Variants in DLG2 observed in about 807,000 individuals in gnomAD.
DLG2 encodes discs large MAGUK scaffold protein 2.
DLG2 carries 45 observed loss-of-function variants against 132.5 expected under a neutral mutation model. The ratio of observed to expected loss-of-function variants is 0.34; its 90% CI spans 0.27 to 0.44. The LOEUF (loss-of-function observed/expected upper bound fraction) is 0.44, where lower values mean the gene tolerates loss of function less well. Among genes scored for constraint, DLG2 ranks in the 20% least tolerant of loss-of-function variants. The pLI is 1.00. For missense variants in DLG2, 1,045 were observed against 1,196.9 expected (o/e 0.87, Z 1.87); for synonymous variants, 424 against 419.6 (o/e 1.01, Z -0.13).
chr11:83,486,031 A>G, intron 21 of DLG2: 1 of 425,090 alleles, frequency 2.4e-6, no homozygotes, highest in Non-Finnish European at 4.2e-6. Context: ...CAGAGGGAAA[A>G]GAGGTATCAC....
intron 6 of DLG2, among the ~76,000 whole-genome samples, chr11:85,094,133 C>T (rs924403452): frequency 7.2e-5 from 11 of 152,182 alleles, no homozygotes; most frequent in Admixed American, 2.6e-4. Flanking sequence ...GCTTTCAGAA[C>T]TGGGACTTTC....
chr11:84,122,154 C>A (rs1034740960), intron 9 of DLG2, among the ~76,000 whole-genome samples: 22 of 151,802 alleles, frequency 1.4e-4, no homozygotes, highest in Non-Finnish European at 2.8e-4. Context: ...AACCCCATCT[C>A]TACTGAAAAT....
chr11:84,961,488 T>G (rs1046887281), intron 6 of DLG2, among the ~76,000 whole-genome samples: 1 of 151,736 alleles, frequency 6.6e-6, no homozygotes, highest in African/African-American at 2.4e-5. Flanking sequence ...GCTTAGCTAT[T>G]GTCCCTACCT....
intron 7 of DLG2, among the ~76,000 whole-genome samples, chr11:84,388,673 C>T (rs2098780945): frequency 6.6e-6 from 1 of 150,894 alleles, no homozygotes. Flanking sequence ...TGGGAGAAAA[C>T]CTCAAAAGAG....
intron 12 of DLG2, among the ~76,000 whole-genome samples, chr11:83,967,288 T>G (rs2090424633): frequency 6.6e-6 from 1 of 152,090 alleles, no homozygotes; most frequent in African/African-American, 2.4e-5. Flanking sequence ...AAATCTATTT[T>G]TAATTTATTT....
chr11:85,085,646 T>C (rs2067824308), intron 6 of DLG2, among the ~76,000 whole-genome samples: 2 of 152,156 alleles, frequency 1.3e-5, no homozygotes, highest in Admixed American at 6.5e-5. Context: ...ACTTATCCTG[T>C]ACCAGGACCT....
At chr11:84,886,632 C>T (rs2088370371) in intron 6 of DLG2, among the ~76,000 whole-genome samples, 3 of 152,060 alleles carry the variant, frequency 2.0e-5, no homozygotes, top group Admixed American at 6.6e-5. Flanking sequence ...TTAGAAGGTG[C>T]AAAACCATTT....
At chr11:84,639,348 G>GTT (rs550030032) in intron 6 of DLG2, among the ~76,000 whole-genome samples, 73 of 126,796 alleles carry the variant, frequency 5.8e-4, no homozygotes, top group East Asian at 5.1e-3. Context: ...AGATATCTGT[G>GTT]TTTTTTTTTT....
intron 3 of DLG2, among the ~76,000 whole-genome samples, chr11:85,482,914 C>T (rs2093333069): frequency 6.6e-6 from 1 of 151,982 alleles, no homozygotes; most frequent in Non-Finnish European, 1.5e-5. Flanking sequence ...CCTTTGTGGA[C>T]CCAGGAAATA....
chr11:84,966,634 G>C (rs901696137), intron 6 of DLG2, among the ~76,000 whole-genome samples: 6 of 152,178 alleles, frequency 3.9e-5, no homozygotes, highest in Non-Finnish European at 7.4e-5. Flanking sequence ...TTTTTAGAAA[G>C]GCAACTTTGG....
At chr11:84,531,324 G>T (rs760716078) in intron 7 of DLG2, among the ~76,000 whole-genome samples, 9 of 152,058 alleles carry the variant, frequency 5.9e-5, no homozygotes, top group East Asian at 1.9e-4. Context: ...AGACCTACTT[G>T]AAAATGATGG....
intron 7 of DLG2, among the ~76,000 whole-genome samples, chr11:84,475,979 C>T (rs2099120656): frequency 6.6e-6 from 1 of 152,092 alleles, no homozygotes; most frequent in Non-Finnish European, 1.5e-5. Flanking sequence ...TACACTGATG[C>T]TCCCCAGGCC....
chr11:84,859,403 T>C (rs57643378), intron 6 of DLG2, among the ~76,000 whole-genome samples: 6,004 of 145,224 alleles, frequency 0.041, 190 homozygotes, highest in African/African-American at 0.08. Context: ...TATATGTATA[T>C]ATACATATAT....
intron 18 of DLG2, among the ~76,000 whole-genome samples, chr11:83,730,831 G>T (rs758366530): frequency 6.6e-6 from 1 of 152,136 alleles, no homozygotes; most frequent in African/African-American, 2.4e-5. Flanking sequence ...TGCCCTGGTT[G>T]TCGCCCATGT....
At chr11:85,058,906 G>C (rs2154158052) in intron 6 of DLG2, among the ~76,000 whole-genome samples, 2 of 151,288 alleles carry the variant, frequency 1.3e-5, no homozygotes, top group East Asian at 1.9e-4. Context: ...AATTCTAAGA[G>C]AGAACATAAA....
At chr11:84,777,850 T>C (rs938194990) in intron 6 of DLG2, among the ~76,000 whole-genome samples, 1 of 152,168 alleles carries the variant, frequency 6.6e-6, no homozygotes, top group African/African-American at 2.4e-5. Context: ...ATTCTGAATA[T>C]TAGTTCCCTG....
intron 6 of DLG2, among the ~76,000 whole-genome samples, chr11:84,677,357 A>AT (rs773716008): frequency 5.5e-4 from 84 of 152,160 alleles, no homozygotes; most frequent in Non-Finnish European, 4.6e-4. Context: ...ATTATAAAGG[A>AT]TTTTGAGAGT....
intron 11 of DLG2, among the ~76,000 whole-genome samples, chr11:84,031,659 G>T (rs1435461193): frequency 6.6e-6 from 1 of 152,144 alleles, no homozygotes; most frequent in Non-Finnish European, 1.5e-5. Flanking sequence ...TACACAATAG[G>T]TGCTTCATAT....
At chr11:85,625,292 A>G (rs2081974516) in intron 2 of DLG2, 1 of 152,210 alleles carries the variant, frequency 6.6e-6, no homozygotes, top group African/African-American at 2.4e-5. Flanking sequence ...ACATCAACTT[A>G]AATATGTCAA....
Sources: gnomAD v4.1 joint callset for allele counts (sites outside exome capture counted in the v4.1 genomes callset) on GRCh38, gnomAD v4.1.1 for gene constraint, MANE v1.5 for transcripts, NCBI Gene and HGNC (gene_info 2026-07-23, HGNC 2026-07-21) for gene names.